The following EPHA1 variants were observed in gnomAD, a reference collection of about 807,000 sequenced individuals.
The protein encoded by EPHA1 is ephrin type-A receptor 1.
EPHA1 carries 92 observed loss-of-function variants against 110.1 expected under a neutral mutation model. The ratio of observed to expected loss-of-function variants is 0.84; its 90% CI spans 0.71 to 0.99. The LOEUF is 0.99. Ranked by LOEUF, EPHA1 falls within the 50% of genes least tolerant of loss-of-function variation. The probability of loss-of-function intolerance (pLI) is 0.00; values close to 1 mark genes in which losing one functional copy is unlikely to be tolerated. For synonymous variants in EPHA1, 500 were observed against 516.1 expected (o/e 0.97, Z 0.42); for missense variants, 1,204 against 1,285.4 (o/e 0.94, Z 0.97).
chr7:143,401,417 G>A lies in EPHA1; in HGVS notation c.339C>T (p.Ala113=), dbSNP rs138434330. 37 of 1,613,952 alleles carry A rather than the reference G, an allele frequency of 2.3e-5. No homozygotes were observed. Among genetic ancestry groups the A allele is most frequent in the Admixed American group, 1.7e-4 (10 of 60,002 alleles). The part of the protein sequence containing the change: ...VRDCKSFPGG[A]GPLGCKETFN... ...AGGTCTCCTTGCAGCCCAGAGGCCCGGCTCCCCCAGGGAAACTCTTGCAGT... is the reference window on the plus strand; with the variant it reads ...AGGTCTCCTTGCAGCCCAGAGGCCCAGCTCCCCCAGGGAAACTCTTGCAGT... Residue 113 remains alanine (A), a synonymous_variant, in exon 3 of 18, where the codon GCC becomes GCT. Transcript: ENST00000275815. The surrounding 1 kb of genome is among the most constrained non-coding windows in gnomAD (Gnocchi z 4.1).
Position 143,391,377 on chromosome 7 carries a change from GGC to G in EPHA1, c.*78_*79del. On this transcript the variant is annotated 3_prime_UTR_variant, in exon 18 of 18. Coordinates refer to ENST00000275815, the MANE Select transcript of EPHA1 (RefSeq NM_005232.5). ...CCTAGTCTGGCAGGTTGTGGGAAGG[GGC>G]GCAGGGAGTGACCATGAGCGACCTT... 1 of 1,533,480 alleles carries G rather than the reference GGC, an allele frequency of 6.5e-7. No homozygotes were observed. Among genetic ancestry groups the G allele is most frequent in the Non-Finnish European group, 8.9e-7 (1 of 1,123,516 alleles). The allele number at this position is 1,533,480 out of a possible 1,614,324, so 95.0% of individuals were successfully genotyped here. A position where few individuals can be genotyped will look rare whatever the true frequency, so the allele number is the denominator to read the frequency against.
chr7:143,404,729 T>C (rs78059398), intron 2 of EPHA1, among the ~76,000 whole-genome samples: 2,152 of 152,244 alleles, frequency 0.014, 52 homozygotes, highest in African/African-American at 0.049. Flanking sequence ...TAGCTGATGG[T>C]TCTGATATCT....
intron 5 of EPHA1, 90 bp from the exon 6 acceptor site, chr7:143,399,035 TGTCCTCTGAA>T: frequency 7.6e-7 from 1 of 1,316,950 alleles, no homozygotes; most frequent in Non-Finnish European, 1.0e-6. Context: ...CAATTCTCGA[TGTCCTCTGAA>T]GTCCTCTTGG....
At chr7:143,402,132 C>T (rs749278231) in intron 2 of EPHA1, among the ~76,000 whole-genome samples, 1 of 150,204 alleles carries the variant, frequency 6.7e-6, no homozygotes, top group Non-Finnish European at 1.5e-5. Flanking sequence ...TCTTGCTATG[C>T]TGTCCAGGCT....
chr7:143,407,476 G>A, intron 2 of EPHA1, 135 bp downstream of exon 2: 1 of 770,052 alleles, frequency 1.3e-6, no homozygotes, highest in Non-Finnish European at 2.1e-6. Flanking sequence ...CTCTGACTCA[G>A]CCTCCTCTCC....
In EPHA1 at chr7:143,395,589, CCTTTT is replaced by C. The variant is rs1805222154; in HGVS notation, c.1898-90_1898-86del. On this transcript the variant is annotated intron_variant, in intron 11 of 17. Coordinates refer to ENST00000275815, the MANE Select transcript of EPHA1 (RefSeq NM_005232.5). This position sits in a 1 kb window ranked among gnomAD's most constrained non-coding sequence, Gnocchi z 4.7. Reference sequence around the variant, plus strand: ...GCAGCAACCCCTCCAGTCCTCCGGCCCTTTTCTTTTCTGGAGAATCAGAAGCGTGG... The same window carrying C: ...GCAGCAACCCCTCCAGTCCTCCGGCCCTTTTCTGGAGAATCAGAAGCGTGG... 8.5e-6 allele frequency: 12 copies of C among 1,414,384 alleles called. No individual in the cohort carries two copies. The Admixed American group carries it at 2.0e-4, about 23-fold the overall frequency. 87.6% of individuals were successfully genotyped at this position (1,414,384 alleles called of 1,614,324 possible). A position where few individuals can be genotyped will look rare whatever the true frequency, so the allele number is the denominator to read the frequency against.
At position 143,395,641 on chromosome 7, in the gene EPHA1, C is replaced by CAGAGGACTA; in HGVS notation, c.1898-138_1898-137insTAGTCCTCT. 1.1e-6 allele frequency: 1 copy of CAGAGGACTA among 898,076 alleles called. No individual in the cohort carries two copies. The allele number at this position is 898,076 out of a possible 1,614,324, so 55.6% of individuals were successfully genotyped here. A position where few individuals can be genotyped will look rare whatever the true frequency, so the allele number is the denominator to read the frequency against. ...GTGGAGTGCCCTTCCTGGGACAGGGCGTGGGCTGTCCTTCCTGGGGAAGGT... is the reference window on the plus strand; with the variant it reads ...GTGGAGTGCCCTTCCTGGGACAGGGCAGAGGACTAGTGGGCTGTCCTTCCTGGGGAAGGT... On this transcript the variant is annotated intron_variant, in intron 11 of 17. Transcript: ENST00000275815. The surrounding 1 kb of genome is among the most constrained non-coding windows in gnomAD (Gnocchi z 4.7).
chr7:143,405,367 TA>T (rs1427863103), intron 2 of EPHA1, among the ~76,000 whole-genome samples: 1 of 152,152 alleles, frequency 6.6e-6, no homozygotes. Context: ...TCCTTTTGCT[TA>T]TCACTCAGGC....
In EPHA1 at chr7:143,391,253, A is replaced by G; in HGVS notation, c.*204T>C. ...AACCCCTCAGCTCCCTCCCATGATC[A>G]TCCTTTTACTTCTACCCCCACCTCC... On this transcript the variant is annotated 3_prime_UTR_variant, in exon 18 of 18. Coordinates refer to ENST00000275815, the MANE Select transcript of EPHA1 (RefSeq NM_005232.5). 1 of 610,058 alleles carries G rather than the reference A, an allele frequency of 1.6e-6. No individual in the cohort carries two copies. The highest frequency in any genetic ancestry group is 2.0e-5 in the South Asian group (1 of 50,404). 37.8% of individuals were successfully genotyped at this position (610,058 alleles called of 1,614,324 possible).
chr7:143,406,255 TTGAGCTGATAACCAGTGGGCAA>T (rs1233961591), intron 2 of EPHA1, among the ~76,000 whole-genome samples: 9 of 152,066 alleles, frequency 5.9e-5, no homozygotes, highest in Non-Finnish European at 1.3e-4. Context: ...AGGTTGAAGG[TTGAGCTGATAACCAGTGGGCAA>T]TGATCTAATT....
At chr7:143,405,187 G>A (rs886147159) in intron 2 of EPHA1, among the ~76,000 whole-genome samples, 7 of 152,038 alleles carry the variant, frequency 4.6e-5, no homozygotes, top group Admixed American at 2.0e-4. Context: ...AGGCACTGGC[G>A]GGGGTCAGGT....
rs921630113 is a variant in EPHA1 at position 143,398,686 on chromosome 7, A to G, written c.1251T>C (p.Phe417=). ...NGLEPYANYT[F]NVEAQNGVSG... ...ACACTCCATTTTGGGCTTCCACATT[A>G]AAGGTGTAGTTGGCATAAGGTTCAA... Residue 417 remains phenylalanine, a synonymous_variant, in exon 6 of 18, where the codon TTT becomes TTC. Coordinates refer to ENST00000275815, the MANE Select transcript of EPHA1 (RefSeq NM_005232.5). 2.5e-6 allele frequency: 4 copies of G among 1,613,936 alleles called. No individual in the cohort carries two copies. The Admixed American group carries it at 5.0e-5, about 20-fold the overall frequency.
Position 143,407,231 on chromosome 7 carries a change from A to T in EPHA1, c.150+380T>A, listed in dbSNP as rs565223275. ...AACTTCATTGGGATGAATGGATCTCAGATTGAGGATGCTTTTCTGCCTTTT... is the reference window on the plus strand; with the variant it reads ...AACTTCATTGGGATGAATGGATCTCTGATTGAGGATGCTTTTCTGCCTTTT... On this transcript the variant is annotated intron_variant, in intron 2 of 17. Coordinates refer to ENST00000275815, the MANE Select transcript of EPHA1 (RefSeq NM_005232.5). Among the ~76,000 whole-genome samples the T allele has an allele frequency of 2.0e-5, 3 of 152,180 alleles. No individual in the cohort carries two copies. In the South Asian group the frequency reaches 6.2e-4, roughly 32 times the overall value.
chr7:143,394,829 A>G lies in EPHA1; in HGVS notation c.2331T>C (p.Phe777=), dbSNP rs1805199408. The change falls in exon 14 of 18, where the codon TTT becomes TTC. Residue 777 remains phenylalanine, a synonymous_variant. Coordinates refer to ENST00000275815, the MANE Select transcript of EPHA1 (RefSeq NM_005232.5). ...DFGLTRLLDD[F]DGTYETQGGK... The stretch of plus-strand genomic sequence containing the variant: ...TAACCTGGGTTTCGTATGTGCCATC[A>G]AAGTCATCCAGGAGGCGAGTCAGGC... 2 of 1,614,034 alleles carry G rather than the reference A, an allele frequency of 1.2e-6. No homozygotes were observed. The highest frequency in any genetic ancestry group is 2.7e-5 in the African/African-American group (2 of 74,926).
At chr7:143,400,461 T>C (rs1315302724) in intron 3 of EPHA1, among the ~76,000 whole-genome samples, 1 of 152,206 alleles carries the variant, frequency 6.6e-6, no homozygotes, top group African/African-American at 2.4e-5. Context: ...TTATTACTAG[T>C]AACAAATTTT....
rs1805204102 is a variant in EPHA1, at chr7:143,394,982, T to C, written c.2178A>G (p.Leu726=). Residue 726 remains leucine (L), a synonymous_variant, in exon 14 of 18, where the codon CTA becomes CTG. Coordinates refer to ENST00000275815, the MANE Select transcript of EPHA1 (RefSeq NM_005232.5). ...ATGCTATGCCCTGCAGCATGGCCAC[T>C]AGCTGCCCAGGGACCAGCTGGTCCT... ...EREDQLVPGQ[L]VAMLQGIASG... is the part of the protein sequence containing the mutation. The C allele has an allele frequency of 6.2e-7, 1 of 1,614,110 alleles. No individual in the cohort carries two copies. The highest frequency in any genetic ancestry group is 1.3e-5 in the African/African-American group (1 of 75,040).
In EPHA1 at chr7:143,393,657, C is replaced by T; in HGVS notation, c.2696+14G>A. On this transcript the variant is annotated intron_variant, in intron 16 of 17. Coordinates refer to ENST00000275815, the MANE Select transcript of EPHA1 (RefSeq NM_005232.5). This position sits in a 1 kb window ranked among gnomAD's most constrained non-coding sequence, Gnocchi z 5.6. Reference sequence around the variant, plus strand: ...CTGCCTCTGGGTTCCCTAGTCCTTCCCCTGCATGGTTACCTGGGGTCAAAG... The same window carrying T: ...CTGCCTCTGGGTTCCCTAGTCCTTCTCCTGCATGGTTACCTGGGGTCAAAG... 1 of 1,611,984 alleles carries T rather than the reference C, an allele frequency of 6.2e-7. No individual in the cohort carries two copies. The highest frequency in any genetic ancestry group is 8.5e-7 in the Non-Finnish European group (1 of 1,179,310).
Position 143,399,761 on chromosome 7 carries a change from G to A in EPHA1, c.725C>T (p.Ser242Leu). Residue 242 changes from serine to leucine, a missense_variant, in exon 4 of 18, where the codon TCA becomes TTA. Physicochemically the swap from Ser to Leu is moderately radical, Grantham distance 145. Transcript: ENST00000275815. ...LPHARASPRP[S>L]GAPRMHCSPD... is the part of the protein sequence containing the mutation. ...GCTGCAGTGCATGCGGGGTGCACCT[G>A]AGGGCCTGGGGCTGGCCCGCGCGTG... 2 of 1,613,568 alleles carry A rather than the reference G, an allele frequency of 1.2e-6. No homozygotes were observed. Among genetic ancestry groups the A allele is most frequent in the Non-Finnish European group, 8.5e-7 (1 of 1,179,930 alleles).
intron 2 of EPHA1, among the ~76,000 whole-genome samples, chr7:143,406,295 C>T (rs756655435): frequency 4.6e-5 from 7 of 152,128 alleles, no homozygotes; most frequent in Non-Finnish European, 7.3e-5. Context: ...ATTAATCACG[C>T]CTATGTAATG....
Sources: allele counts gnomAD v4.1 joint callset (sites outside exome capture counted in the v4.1 genomes callset), GRCh38; gene constraint gnomAD v4.1.1; non-coding constraint Gnocchi (gnomAD v3.1); transcripts MANE v1.5; gene names NCBI Gene and HGNC (gene_info 2026-07-23, HGNC 2026-07-21).